ANK2: variants seen among roughly 807,000 people sequenced by gnomAD.
ANK2 encodes the protein ankyrin-2.
ANK2 carries 83 observed loss-of-function variants against 360.5 expected under a neutral mutation model. The observed-to-expected ratio is 0.23, with a 90% CI of 0.19 to 0.28. The LOEUF (loss-of-function observed/expected upper bound fraction) is 0.28, where lower values mean the gene tolerates loss of function less well. Among genes scored for constraint, ANK2 ranks in the 10% least tolerant of loss-of-function variants. The probability of loss-of-function intolerance (pLI) is 1.00; values close to 1 mark genes in which losing one functional copy is unlikely to be tolerated. For synonymous variants in ANK2, 1,740 were observed against 1,759.5 expected (o/e 0.99, Z 0.28); for missense variants, 4,201 against 4,795.7 (o/e 0.88, Z 3.66).
rs1257341725 is a variant in ANK2 at position 113,174,413 on chromosome 4, C to T, written c.85-3C>T. The T allele has an allele frequency of 1.2e-6, 2 of 1,610,282 alleles. No individual in the cohort carries two copies. Among genetic ancestry groups the T allele is most frequent in the South Asian group, 1.1e-5 (1 of 90,582 alleles). ...CATTAAAGGTCTTTTATTTTTCTCGCAGTCTGACAGCAATGCAAGCTTCCT... is the reference window on the plus strand; with the variant it reads ...CATTAAAGGTCTTTTATTTTTCTCGTAGTCTGACAGCAATGCAAGCTTCCT... On this transcript the variant is annotated splice_region_variant and splice_polypyrimidine_tract_variant and intron_variant, in intron 1 of 45. Coordinates refer to ENST00000357077, the MANE Select transcript of ANK2 (RefSeq NM_001148.6).
chr4:112,738,704 G>A, the ANK2 span: 7 of 605,762 alleles, frequency 1.2e-5, no homozygotes, highest in African/African-American at 1.1e-4. Context: ...TGAAGCCCAA[G>A]ATCATTAAAA....
the ANK2 span, among the ~76,000 whole-genome samples, chr4:112,800,535 T>C: frequency 6.6e-6 from 1 of 152,200 alleles, no homozygotes; most frequent in East Asian, 1.9e-4. Context: ...AATTAACTTC[T>C]CTCTGCGTCT....
At chr4:113,204,150 C>A (rs1194208609) in intron 4 of ANK2, among the ~76,000 whole-genome samples, 1 of 151,828 alleles carries the variant, frequency 6.6e-6, no homozygotes, top group Non-Finnish European at 1.5e-5. Flanking sequence ...TTAATATATT[C>A]TCTAATTATA....
At chr4:112,847,021 C>A (rs181576178) in intron 1 of ANK2, among the ~76,000 whole-genome samples, 1 of 152,180 alleles carries the variant, frequency 6.6e-6, no homozygotes, top group Non-Finnish European at 1.5e-5. Context: ...AGGATATAGT[C>A]ACATGGCCAT....
intron 1 of ANK2, among the ~76,000 whole-genome samples, chr4:113,104,439 C>T (rs2093362148): frequency 6.6e-6 from 1 of 152,318 alleles, no homozygotes; most frequent in Non-Finnish European, 1.5e-5. Context: ...GAGGGCTGGG[C>T]ACAGTGGCTT....
chr4:112,774,915 G>T, the ANK2 span, among the ~76,000 whole-genome samples: 2 of 152,184 alleles, frequency 1.3e-5, no homozygotes, highest in African/African-American at 4.8e-5. Flanking sequence ...AATAATACTT[G>T]TGGGCAACAG....
chr4:112,735,558 A>G, the ANK2 span, among the ~76,000 whole-genome samples: 3 of 152,056 alleles, frequency 2.0e-5, no homozygotes, highest in African/African-American at 7.2e-5. Flanking sequence ...ATCTTCCCAC[A>G]AGGGGGCTTT....
chr4:113,294,852 T>C (rs933965720), intron 22 of ANK2, among the ~76,000 whole-genome samples: 3 of 152,198 alleles, frequency 2.0e-5, no homozygotes, highest in Non-Finnish European at 4.4e-5. Context: ...CTATATTTAA[T>C]GGCTTTTTCT....
Position 113,258,825 on chromosome 4 carries a change from C to A in ANK2, c.1386+414C>A, listed in dbSNP as rs1197172619. On this transcript the variant is annotated intron_variant, in intron 13 of 45. Coordinates refer to ENST00000357077, the MANE Select transcript of ANK2 (RefSeq NM_001148.6). ...TTTTCACAAAAACATCAAATCATTA[C>A]CATAATTAACCTTAACAAAAGATTA... Among the ~76,000 whole-genome samples, 4 of 152,296 alleles carry A rather than the reference C, an allele frequency of 2.6e-5. No individual in the cohort carries two copies. The East Asian group carries it at 7.7e-4, about 29-fold the overall frequency.
chr4:112,941,487 A>G (rs2094204046), intron 2 of ANK2, among the ~76,000 whole-genome samples: 1 of 143,628 alleles, frequency 7.0e-6, no homozygotes, highest in African/African-American at 2.5e-5. Context: ...ATATATAAAT[A>G]AAGGTATGTA....
chr4:113,318,837 A>G (rs985390072), intron 26 of ANK2, among the ~76,000 whole-genome samples: 1 of 152,176 alleles, frequency 6.6e-6, no homozygotes, highest in African/African-American at 2.4e-5. Flanking sequence ...AAAACTGACT[A>G]TTGTTTTAAA....
In ANK2 at chr4:113,049,819, C is replaced by T. The variant is rs762973067; in HGVS notation, c.84+7C>T. On this transcript the variant is annotated splice_region_variant and intron_variant, in intron 1 of 45. Coordinates refer to ENST00000357077, the MANE Select transcript of ANK2 (RefSeq NM_001148.6). ...GAGAAAAAGACCCAAGAAGGTAAATCGCCGGAATTAGGAATGTCTGTGTAT... is the reference window on the plus strand; with the variant it reads ...GAGAAAAAGACCCAAGAAGGTAAATTGCCGGAATTAGGAATGTCTGTGTAT... 3.1e-6 allele frequency: 5 copies of T among 1,613,292 alleles called. No individual in the cohort carries two copies. The highest frequency in any genetic ancestry group is 4.2e-6 in the Non-Finnish European group (5 of 1,179,628).
At chr4:113,336,817 G>C in intron 31 of ANK2, 36 bp downstream of exon 31, 1 of 1,592,744 alleles carries the variant, frequency 6.3e-7, no homozygotes. Flanking sequence ...AGAGAGTTCT[G>C]AAAAAAGAAA....
chr4:112,838,330 T>G (rs527292131), intron 1 of ANK2, among the ~76,000 whole-genome samples: 1 of 152,310 alleles, frequency 6.6e-6, no homozygotes, highest in South Asian at 2.1e-4. Flanking sequence ...CCTTTTTTAT[T>G]TATAAATTAT....
At chr4:113,116,744 A>G (rs1383263142) in intron 1 of ANK2, among the ~76,000 whole-genome samples, 3 of 152,196 alleles carry the variant, frequency 2.0e-5, no homozygotes, top group Non-Finnish European at 2.9e-5. Flanking sequence ...GCGAGACTGC[A>G]CCATTTTCTT....
intron 1 of ANK2, among the ~76,000 whole-genome samples, chr4:113,086,590 A>G (rs1162532697): frequency 1.3e-5 from 2 of 152,232 alleles, no homozygotes; most frequent in East Asian, 3.8e-4. Flanking sequence ...CAATTAACAC[A>G]TAAGCCAACA....
intron 2 of ANK2, among the ~76,000 whole-genome samples, chr4:112,904,838 T>C (rs2084664990): frequency 1.3e-5 from 2 of 152,148 alleles, no homozygotes; most frequent in African/African-American, 4.8e-5. Context: ...TTGGGATTTG[T>C]TCACCAAAGT....
At chr4:112,957,669 C>T (rs1325690068) in intron 2 of ANK2, among the ~76,000 whole-genome samples, 3 of 147,536 alleles carry the variant, frequency 2.0e-5, no homozygotes, top group Non-Finnish European at 4.5e-5. Flanking sequence ...CCCTCCCGGA[C>T]GGGGCGGCTG....
chr4:113,162,888 A>G (rs1355033402), intron 1 of ANK2, among the ~76,000 whole-genome samples: 7 of 152,168 alleles, frequency 4.6e-5, no homozygotes, highest in East Asian at 3.8e-4. Flanking sequence ...TCTCAGCTAA[A>G]TAACTCATTG....
Sources: allele counts gnomAD v4.1 joint callset (sites outside exome capture counted in the v4.1 genomes callset), GRCh38; gene constraint gnomAD v4.1.1; transcripts MANE v1.5; gene names NCBI Gene and HGNC (gene_info 2026-07-23, HGNC 2026-07-21).